Variants in ECT2L observed in about 807,000 individuals in gnomAD.
The protein encoded by ECT2L is epithelial cell transforming 2 like, also known as epithelial cell-transforming sequence 2 oncogene-like.
A neutral mutation model predicts 122.8 loss-of-function variants in ECT2L; 126 were observed. The ratio of observed to expected loss-of-function variants is 1.03; its 90% CI spans 0.89 to 1.19. The LOEUF (loss-of-function observed/expected upper bound fraction) is 1.19. Among genes scored for constraint, ECT2L ranks in the 50% most tolerant of loss-of-function variants. The pLI, the probability that ECT2L is intolerant of heterozygous loss-of-function variation, is 0.00. For missense variants in ECT2L, 1,012 were observed against 1,064.1 expected (o/e 0.95, Z 0.68); for synonymous variants, 385 against 381.8 (o/e 1.01, Z -0.10).
At chr6:138,798,053 A>G (rs752805613) in intron 1 of ECT2L, among the ~76,000 whole-genome samples, 49 of 152,262 alleles carry the variant, frequency 3.2e-4, no homozygotes, top group Admixed American at 6.5e-5. Context: ...TACAAAGGAC[A>G]GATGAATAGC....
intron 9 of ECT2L, among the ~76,000 whole-genome samples, chr6:138,853,396 G>A (rs1331301858): frequency 1.3e-5 from 2 of 152,120 alleles, no homozygotes; most frequent in Non-Finnish European, 2.9e-5. Flanking sequence ...CTGCTACCCT[G>A]TCACATGAAG....
chr6:138,833,274 G>A lies in ECT2L; in HGVS notation c.180-5078G>A, dbSNP rs577414680. 3.3e-5 allele frequency among the ~76,000 whole-genome samples: 5 copies of A among 152,290 alleles called. No individual in the cohort carries two copies. In the East Asian group the frequency reaches 9.6e-4, roughly 29 times the overall value. On this transcript the variant is annotated intron_variant, in intron 4 of 21. Coordinates refer to ENST00000541398, the MANE Select transcript of ECT2L (RefSeq NM_001077706.3). Reference sequence around the variant, plus strand: ...AGTCTACTGATTTCTAGGAAGATTAGATTTTATAGATATGCCATAACTTAT... The same window carrying A: ...AGTCTACTGATTTCTAGGAAGATTAAATTTTATAGATATGCCATAACTTAT...
chr6:138,867,436 A>C (rs867650215), intron 12 of ECT2L, among the ~76,000 whole-genome samples: 2 of 152,022 alleles, frequency 1.3e-5, no homozygotes, highest in Non-Finnish European at 1.5e-5. Context: ...ATGCTTTGGG[A>C]GGCTGAGGTG....
intron 16 of ECT2L, 140 bp downstream of exon 16, chr6:138,883,011 G>C: frequency 1.1e-6 from 1 of 919,060 alleles, no homozygotes; most frequent in Non-Finnish European, 1.6e-6. Flanking sequence ...TGTGATCTCT[G>C]AGGACAGGAA....
rs956286723 is a variant in ECT2L at position 138,903,183 on chromosome 6, C to A, written c.*556C>A. The A allele has an allele frequency of 2.6e-5, 4 of 152,786 alleles. No individual in the cohort carries two copies. Among genetic ancestry groups the A allele is most frequent in the African/African-American group, 7.3e-5 (3 of 41,372 alleles). 9.5% of individuals were successfully genotyped at this position (152,786 alleles called of 1,614,324 possible). A position where few individuals can be genotyped will look rare whatever the true frequency, so the allele number is the denominator to read the frequency against. On this transcript the variant is annotated 3_prime_UTR_variant, in exon 22 of 22. Coordinates refer to ENST00000541398, the MANE Select transcript of ECT2L (RefSeq NM_001077706.3). ...GACCAGCCTCACCAACATGGAGAAA[C>A]CCCGTCTCTACTAAAAATACAAAAT... is the stretch of plus-strand genomic sequence containing the variant.
At chr6:138,869,930 G>C (rs1460030538) in intron 13 of ECT2L, among the ~76,000 whole-genome samples, 15 of 152,144 alleles carry the variant, frequency 9.9e-5, no homozygotes. Flanking sequence ...TAAAATTTTG[G>C]TGTCTTAACT....
intron 15 of ECT2L, among the ~76,000 whole-genome samples, chr6:138,882,265 T>G (rs551587307): frequency 6.6e-6 from 1 of 152,140 alleles, no homozygotes; most frequent in South Asian, 2.1e-4. Context: ...AGTGAAGAGG[T>G]TGAACTGGGC....
At chr6:138,845,140 C>T (rs80190034) in intron 7 of ECT2L, among the ~76,000 whole-genome samples, 2,897 of 152,174 alleles carry the variant, frequency 0.019, 40 homozygotes, top group Non-Finnish European at 0.028. Flanking sequence ...GTTACCAAAT[C>T]ATACTATAGA....
chr6:138,903,568 T>C lies in ECT2L; in HGVS notation c.*941T>C, dbSNP rs1432684484. ...CTTTAACAAATATTTTTGACATTGT[T>C]AAATTAGAAGGCTATTTTTAAAAAG... is the stretch of plus-strand genomic sequence containing the variant. On this transcript the variant is annotated 3_prime_UTR_variant, in exon 22 of 22. Transcript: ENST00000541398. 5 of 152,296 alleles carry C rather than the reference T, an allele frequency of 3.3e-5. No homozygotes were observed. The East Asian group carries it at 7.7e-4, about 23-fold the overall frequency. 9.4% of individuals were successfully genotyped at this position (152,296 alleles called of 1,614,324 possible). A position where few individuals can be genotyped will look rare whatever the true frequency, so the allele number is the denominator to read the frequency against.
chr6:138,869,933 T>C (rs1005896524), intron 13 of ECT2L, among the ~76,000 whole-genome samples: 1 of 152,170 alleles, frequency 6.6e-6, no homozygotes, highest in Non-Finnish European at 1.5e-5. Flanking sequence ...AATTTTGGTG[T>C]CTTAACTGGA....
At chr6:138,879,128 T>C (rs75516284) in intron 14 of ECT2L, 3,269 of 216,784 alleles carry the variant, frequency 0.015, 80 homozygotes, top group Admixed American at 0.057. Context: ...GTCTGTTTCA[T>C]TGATTGGCCA....
chr6:138,840,774 G>T (rs1310784623), intron 5 of ECT2L, among the ~76,000 whole-genome samples: 1 of 151,874 alleles, frequency 6.6e-6, no homozygotes, highest in Non-Finnish European at 1.5e-5. Context: ...TTGTTTTGTA[G>T]TGATTTTTGA....
chr6:138,841,202 A>G (rs1246742047), intron 5 of ECT2L, among the ~76,000 whole-genome samples: 15 of 152,206 alleles, frequency 9.9e-5, no homozygotes, highest in Non-Finnish European at 5.9e-5. Context: ...GATGATTACA[A>G]TATTTGGATC....
At chr6:138,874,034 T>C (rs1374807568) in intron 13 of ECT2L, among the ~76,000 whole-genome samples, 1 of 152,142 alleles carries the variant, frequency 6.6e-6, no homozygotes, top group East Asian at 1.9e-4. Flanking sequence ...CATGCAACCA[T>C]GGTGATGGCT....
chr6:138,844,340 C>G (rs980655000), intron 6 of ECT2L, 72 bp from the exon 7 acceptor site: 31 of 1,528,900 alleles, frequency 2.0e-5, no homozygotes, highest in Middle Eastern at 4.7e-4. Flanking sequence ...ATTTTTGATG[C>G]CTTTATCTGT....
At chr6:138,895,199 C>G (rs1040838458) in intron 20 of ECT2L, among the ~76,000 whole-genome samples, 2 of 152,054 alleles carry the variant, frequency 1.3e-5, no homozygotes, top group African/African-American at 4.8e-5. Flanking sequence ...CACATAAAAC[C>G]CAAGGAATGC....
intron 4 of ECT2L, among the ~76,000 whole-genome samples, chr6:138,832,027 AAT>A (rs1776664073): frequency 8.0e-6 from 1 of 125,538 alleles, no homozygotes; most frequent in South Asian, 3.0e-4. Flanking sequence ...AAATGTCTTC[AAT>A]TTTTTTTATC....
intron 10 of ECT2L, among the ~76,000 whole-genome samples, chr6:138,858,476 A>G (rs1777698149): frequency 6.6e-6 from 1 of 152,184 alleles, no homozygotes; most frequent in Non-Finnish European, 1.5e-5. Flanking sequence ...AATATACAAT[A>G]AACTGTACAT....
intron 20 of ECT2L, among the ~76,000 whole-genome samples, chr6:138,896,652 T>C (rs1779224357): frequency 6.6e-6 from 1 of 152,172 alleles, no homozygotes; most frequent in African/African-American, 2.4e-5. Context: ...CTCCATGTAC[T>C]GAAACTCTCT....
Sources: gnomAD v4.1 joint callset for allele counts (sites outside exome capture counted in the v4.1 genomes callset) on GRCh38, gnomAD v4.1.1 for gene constraint, MANE v1.5 for transcripts, NCBI Gene and HGNC (gene_info 2026-07-23, HGNC 2026-07-21) for gene names.